The following SNPH variants were observed in gnomAD, a reference collection of about 807,000 sequenced individuals.
The protein encoded by SNPH is syntaphilin.
In SNPH, 10 loss-of-function variants were observed where a neutral mutation model predicts 36.8. That is an observed-to-expected ratio of 0.27 (90% CI 0.17 to 0.46). The LOEUF (loss-of-function observed/expected upper bound fraction) is 0.46. SNPH is among the 20% of genes least tolerant of loss of function. SNPH has a pLI of 1.00. For missense variants in SNPH, 622 were observed against 744.0 expected, an observed-to-expected ratio of 0.84 and a Z score of 1.91; for synonymous variants, 281 against 312.2, an observed-to-expected ratio of 0.90 and a Z score of 1.05.
intron 2 of SNPH, among the ~76,000 whole-genome samples, chr20:1,268,660 C>T (rs2088037639): frequency 6.7e-6 from 1 of 148,194 alleles, no homozygotes; most frequent in East Asian, 2.0e-4. Flanking sequence ...TATCATTTTC[C>T]TTTCTCTATC....
At chr20:1,287,259 T>C (rs1356988839) in intron 2 of SNPH, among the ~76,000 whole-genome samples, 1 of 152,218 alleles carries the variant, frequency 6.6e-6, no homozygotes, top group Admixed American at 6.5e-5. Flanking sequence ...GCATGGATAT[T>C]CCCTTCTTCC....
chr20:1,281,739 A>G (rs1280068286), intron 2 of SNPH, among the ~76,000 whole-genome samples: 1 of 152,232 alleles, frequency 6.6e-6, no homozygotes, highest in Admixed American at 6.5e-5. Flanking sequence ...CCAACCCCTC[A>G]GTGACACGTG....
chr20:1,304,582 C>A lies in SNPH; in HGVS notation c.441-296C>A, dbSNP rs553466341. Among the ~76,000 whole-genome samples, 1 of 145,836 alleles carries A rather than the reference C, an allele frequency of 6.9e-6. No individual in the cohort carries two copies. Among genetic ancestry groups the A allele is most frequent in the Non-Finnish European group, 1.5e-5 (1 of 66,670 alleles). On this transcript the variant is annotated intron_variant, in intron 6 of 6. Coordinates refer to ENST00000381867, the MANE Select transcript of SNPH (RefSeq NM_001318234.2). This position sits in a 1 kb window ranked among gnomAD's most constrained non-coding sequence, Gnocchi z 4.3. The stretch of plus-strand genomic sequence containing the variant: ...GATGGATTTGAATGTTGAGAGTTGT[C>A]GGCATTCTGGGGGTGGTGGGGTGGG...
At chr20:1,286,119 A>G (rs1455934530) in intron 2 of SNPH, among the ~76,000 whole-genome samples, 1 of 150,262 alleles carries the variant, frequency 6.7e-6, no homozygotes, top group Non-Finnish European at 1.5e-5. Context: ...AAAAAGATAA[A>G]GGGCCTTTAA....
rs2088447603 is a variant in SNPH, at chr20:1,297,140, T to A, written c.183-5T>A. 6.2e-7 allele frequency: 1 copy of A among 1,610,212 alleles called. No homozygotes were observed. The highest frequency in any genetic ancestry group is 1.3e-5 in the African/African-American group (1 of 74,894). On this transcript the variant is annotated splice_polypyrimidine_tract_variant and splice_region_variant and intron_variant, in intron 4 of 6. Coordinates refer to ENST00000381867, the MANE Select transcript of SNPH (RefSeq NM_001318234.2). ...CGAGCACCTGCCTCTTCTTCCTGCC[T>A]CCAGGCGCACCTCTCCACCTGTGAG...
At chr20:1,272,448 C>T (rs2088083883) in intron 2 of SNPH, among the ~76,000 whole-genome samples, 1 of 152,208 alleles carries the variant, frequency 6.6e-6, no homozygotes, top group South Asian at 2.1e-4. Flanking sequence ...CAGCTGCTAT[C>T]CTGCTCTCAC....
At chr20:1,299,290 C>T (rs2088477343) in intron 5 of SNPH, among the ~76,000 whole-genome samples, 1 of 152,172 alleles carries the variant, frequency 6.6e-6, no homozygotes, top group Non-Finnish European at 1.5e-5. Flanking sequence ...TTTCCAGGCT[C>T]ATAAAGGGAC....
intron 6 of SNPH, among the ~76,000 whole-genome samples, chr20:1,303,318 A>C (rs2088526196): frequency 6.6e-6 from 1 of 152,218 alleles, no homozygotes; most frequent in Admixed American, 6.5e-5. Context: ...ATGCCCACTG[A>C]GGCGTGGACA....
In SNPH at chr20:1,294,662, T is replaced by C. The variant is rs72620867; in HGVS notation, c.-492-289T>C. ...CTCCAGGGGAACAGGCTGTGTTCTATGTCCCCGCCAGGAAACAGGCCATCT... is the reference window on the plus strand; with the variant it reads ...CTCCAGGGGAACAGGCTGTGTTCTACGTCCCCGCCAGGAAACAGGCCATCT... On this transcript the variant is annotated intron_variant, in intron 2 of 6. Coordinates refer to ENST00000381867, the MANE Select transcript of SNPH (RefSeq NM_001318234.2). The surrounding 1 kb of genome is among the most constrained non-coding windows in gnomAD (Gnocchi z 4.4). Among the ~76,000 whole-genome samples, 27,316 of 152,176 alleles carry C rather than the reference T, an allele frequency of 0.18. 3,045 individuals carry two copies. The highest frequency in any genetic ancestry group is 0.49 in the East Asian group (2,540 of 5,156).
intron 2 of SNPH, among the ~76,000 whole-genome samples, chr20:1,292,501 C>A (rs1168293097): frequency 6.6e-6 from 1 of 152,214 alleles, no homozygotes; most frequent in African/African-American, 2.4e-5. Flanking sequence ...CCTGCCATGA[C>A]CCTGGCCCAG....
intron 2 of SNPH, among the ~76,000 whole-genome samples, chr20:1,272,093 A>C (rs2088079569): frequency 6.6e-6 from 1 of 152,252 alleles, no homozygotes; most frequent in South Asian, 2.1e-4. Flanking sequence ...ATCAGGGGGA[A>C]AATGGTATTC....
At chr20:1,273,152 G>C (rs1243026159) in intron 2 of SNPH, among the ~76,000 whole-genome samples, 1 of 152,188 alleles carries the variant, frequency 6.6e-6, no homozygotes, top group Non-Finnish European at 1.5e-5. Flanking sequence ...CTGTGGTCTG[G>C]ACAGCAAGCA....
At chr20:1,281,129 T>C (rs978726497) in intron 2 of SNPH, among the ~76,000 whole-genome samples, 5 of 152,132 alleles carry the variant, frequency 3.3e-5, no homozygotes, top group Non-Finnish European at 7.4e-5. Context: ...GGCCTGGGCG[T>C]CATCACAATT....
chr20:1,306,139 ATCT>A lies in SNPH; in HGVS notation c.*87_*89del. ...CCCCCTCCCTTCTCCCATGGGCATCATCTTATTTATTTAGTTTTGGGTGTGGAA... is the reference window on the plus strand; with the variant it reads ...CCCCCTCCCTTCTCCCATGGGCATCATATTTATTTAGTTTTGGGTGTGGAA... On this transcript the variant is annotated 3_prime_UTR_variant, in exon 7 of 7. Transcript: ENST00000381867. 9.0e-7 allele frequency: 1 copy of A among 1,107,812 alleles called. No individual in the cohort carries two copies. 68.6% of individuals were successfully genotyped at this position (1,107,812 alleles called of 1,614,324 possible).
At chr20:1,297,633 G>A (rs2088455210) in intron 5 of SNPH, among the ~76,000 whole-genome samples, 1 of 152,226 alleles carries the variant, frequency 6.6e-6, no homozygotes. Flanking sequence ...CAGGCATCAG[G>A]CCTGCCCTCC....
At chr20:1,291,340 C>G (rs1310381417) in intron 2 of SNPH, among the ~76,000 whole-genome samples, 3 of 152,214 alleles carry the variant, frequency 2.0e-5, no homozygotes, top group Non-Finnish European at 2.9e-5. Flanking sequence ...AGGAAGCAAG[C>G]TGGAGAAATG....
rs1484299768 is a variant in SNPH, at chr20:1,285,794, G to A, written c.-492-9157G>A. ...GCCTGTCAGCAAAAGGGGAAAACTC[G>A]TTCTGAGATAGATAAAGGGTGGCCG... On this transcript the variant is annotated intron_variant, in intron 2 of 6. Transcript: ENST00000381867. The surrounding 1 kb of genome is among the most constrained non-coding windows in gnomAD (Gnocchi z 4.9). Among the ~76,000 whole-genome samples the A allele has an allele frequency of 3.3e-5, 5 of 152,160 alleles. No individual in the cohort carries two copies. The highest frequency in any genetic ancestry group is 1.9e-4 in the East Asian group (1 of 5,196).
At position 1,304,252 on chromosome 20, in the gene SNPH, G is replaced by T. The variant is rs538253273; in HGVS notation, c.441-626G>T. Among the ~76,000 whole-genome samples, 1 of 152,114 alleles carries T rather than the reference G, an allele frequency of 6.6e-6. No individual in the cohort carries two copies. The highest frequency in any genetic ancestry group is 1.5e-5 in the Non-Finnish European group (1 of 68,010). On this transcript the variant is annotated intron_variant, in intron 6 of 6. Coordinates refer to ENST00000381867, the MANE Select transcript of SNPH (RefSeq NM_001318234.2). The surrounding 1 kb of genome is among the most constrained non-coding windows in gnomAD (Gnocchi z 4.3). ...AGCATGGATAGATGAGAGCCACCCTGTTCTTATCACTCTCCCGTTCCACCC... is the reference window on the plus strand; with the variant it reads ...AGCATGGATAGATGAGAGCCACCCTTTTCTTATCACTCTCCCGTTCCACCC...
intron 4 of SNPH, chr20:1,296,924 C>T (rs563636205): frequency 1.8e-5 from 8 of 451,474 alleles, no homozygotes; most frequent in Admixed American, 6.4e-5. Flanking sequence ...CATTCTTGTC[C>T]CTGGGGAGCC....
Sources: allele counts gnomAD v4.1 joint callset (sites outside exome capture counted in the v4.1 genomes callset), GRCh38; gene constraint gnomAD v4.1.1; non-coding constraint Gnocchi (gnomAD v3.1); transcripts MANE v1.5; gene names NCBI Gene and HGNC (gene_info 2026-07-23, HGNC 2026-07-21).